The following SLC24A4 variants were observed in gnomAD, a reference collection of about 807,000 sequenced individuals.
SLC24A4 encodes sodium/potassium/calcium exchanger 4.
A neutral mutation model predicts 79.0 loss-of-function variants in SLC24A4; 53 were observed. The ratio of observed to expected loss-of-function variants is 0.67; its 90% confidence interval spans 0.54 to 0.84. The LOEUF (loss-of-function observed/expected upper bound fraction) is 0.84. SLC24A4 is among the 40% of genes least tolerant of loss of function. SLC24A4 has a pLI of 0.00. For synonymous variants in SLC24A4, 323 were observed against 323.8 expected, an observed-to-expected ratio of 1.00 and a Z score of 0.03; for missense variants, 731 against 822.0, an observed-to-expected ratio of 0.89 and a Z score of 1.35.
chr14:92,374,626 A>C (rs1888401354), intron 2 of SLC24A4, among the ~76,000 whole-genome samples: 1 of 152,080 alleles, frequency 6.6e-6, no homozygotes, highest in Admixed American at 6.5e-5. Context: ...TCCCTTCCTT[A>C]ACTCTCAGCA....
Position 92,498,110 on chromosome 14 carries a change from G to A in SLC24A4, c.*4482G>A, listed in dbSNP as rs1895994207. 1 of 152,274 alleles carries A rather than the reference G, an allele frequency of 6.6e-6. No homozygotes were observed. The highest frequency in any genetic ancestry group is 2.4e-5 in the African/African-American group (1 of 41,436). The allele number at this position is 152,274 out of a possible 1,614,324, so 9.4% of individuals were successfully genotyped here. On this transcript the variant is annotated 3_prime_UTR_variant, in exon 17 of 17. Coordinates refer to ENST00000532405, the MANE Select transcript of SLC24A4 (RefSeq NM_153646.4). ...TGAAAATGCTCTGTGGGCAGCTCTT[G>A]GGTGGCAGTAAGTCCATCAACCCCC...
In SLC24A4 at chr14:92,439,388, G is replaced by A. The variant is rs755428874; in HGVS notation, c.372G>A (p.Pro124=). 1.6e-5 allele frequency: 26 copies of A among 1,612,682 alleles called. No homozygotes were observed. The highest frequency in any genetic ancestry group is 4.4e-5 in the South Asian group (4 of 91,072). ...LAIVCDDFFV[P]SLEKICERLH... ...TAGTGTGCGATGACTTCTTTGTTCC[G>A]TCTCTAGAGAAGATCTGTGAGGTAT... Residue 124 remains proline (P), a synonymous_variant, in exon 4 of 17, where the codon CCG becomes CCA. Coordinates refer to ENST00000532405, the MANE Select transcript of SLC24A4 (RefSeq NM_153646.4).
chr14:92,402,064 G>A (rs1173746355), intron 2 of SLC24A4, among the ~76,000 whole-genome samples: 2 of 152,090 alleles, frequency 1.3e-5, no homozygotes, highest in African/African-American at 2.4e-5. Flanking sequence ...TTGCACTTTC[G>A]AGCTTGCTGA....
At chr14:92,470,997 C>T (rs886184937) in intron 12 of SLC24A4, among the ~76,000 whole-genome samples, 5 of 152,204 alleles carry the variant, frequency 3.3e-5, no homozygotes, top group African/African-American at 1.2e-4. Flanking sequence ...TGGCTTTCCT[C>T]CACCTAAGCT....
At chr14:92,388,653 G>A (rs1371130108) in intron 2 of SLC24A4, among the ~76,000 whole-genome samples, 2 of 152,178 alleles carry the variant, frequency 1.3e-5, no homozygotes, top group South Asian at 2.1e-4. Flanking sequence ...TCCCCTCTGA[G>A]TACCAAATGA....
intron 2 of SLC24A4, among the ~76,000 whole-genome samples, chr14:92,327,499 C>T (rs1885216662): frequency 6.6e-6 from 1 of 152,234 alleles, no homozygotes; most frequent in African/African-American, 2.4e-5. Flanking sequence ...GGGCCGTTCC[C>T]ACCCATTCCA....
chr14:92,454,181 C>A, intron 11 of SLC24A4, 112 bp downstream of exon 11: 1 of 1,156,860 alleles, frequency 8.6e-7, no homozygotes, highest in Non-Finnish European at 1.2e-6. Context: ...AGGAAGGATG[C>A]CCTGGGGCCT....
rs940270469 is a variant in SLC24A4, at chr14:92,416,694, T to C, written c.242-17218T>C. ...AACAGGCTAAGAACCTCCTCAAACC[T>C]CACGGTGCTTTTGTGGAAACTAAGG... On this transcript the variant is annotated intron_variant, in intron 2 of 16. Coordinates refer to ENST00000532405, the MANE Select transcript of SLC24A4 (RefSeq NM_153646.4). Among the ~76,000 whole-genome samples, 4 of 152,160 alleles carry C rather than the reference T, an allele frequency of 2.6e-5. No homozygotes were observed. In the East Asian group the frequency reaches 7.7e-4, roughly 29 times the overall value.
chr14:92,447,483 C>T, intron 9 of SLC24A4, 59 bp downstream of exon 9: 1 of 1,482,464 alleles, frequency 6.7e-7, no homozygotes, highest in Non-Finnish European at 9.4e-7. Context: ...CCTGCTACAG[C>T]CTTTTGTGAC....
chr14:92,399,268 C>T (rs879770868), intron 2 of SLC24A4, among the ~76,000 whole-genome samples: 13 of 152,230 alleles, frequency 8.5e-5, no homozygotes, highest in Middle Eastern at 3.4e-3. Flanking sequence ...CTTGCTTATG[C>T]GGCCGAGTCT....
rs778289044 is a variant in SLC24A4 at position 92,496,373 on chromosome 14, ATTACT to A, written c.*2749_*2753del. 5.9e-5 allele frequency: 9 copies of A among 152,230 alleles called. No homozygotes were observed. The highest frequency in any genetic ancestry group is 8.8e-5 in the Non-Finnish European group (6 of 68,022). The allele number at this position is 152,230 out of a possible 1,614,324, so 9.4% of individuals were successfully genotyped here. Reference sequence around the variant, plus strand: ...AATTACGCTTTCATCACTACGCAGGATTACTTTATTTTATTCCCAAAGCTCATTAG... The same window carrying A: ...AATTACGCTTTCATCACTACGCAGGATTATTTTATTCCCAAAGCTCATTAG... On this transcript the variant is annotated 3_prime_UTR_variant, in exon 17 of 17. Coordinates refer to ENST00000532405, the MANE Select transcript of SLC24A4 (RefSeq NM_153646.4).
At chr14:92,339,303 A>G (rs1885992832) in intron 2 of SLC24A4, among the ~76,000 whole-genome samples, 1 of 152,216 alleles carries the variant, frequency 6.6e-6, no homozygotes, top group African/African-American at 2.4e-5. Context: ...TGTCAAAATC[A>G]AAGAGGGCGT....
At chr14:92,379,920 T>C (rs1026970578) in intron 2 of SLC24A4, among the ~76,000 whole-genome samples, 4 of 152,086 alleles carry the variant, frequency 2.6e-5, no homozygotes, top group African/African-American at 9.7e-5. Flanking sequence ...CTCTCCACCC[T>C]CACCTGCCGT....
chr14:92,354,933 G>A lies in SLC24A4; in HGVS notation c.241+28955G>A, dbSNP rs186901391. 1.4e-4 allele frequency among the ~76,000 whole-genome samples: 21 copies of A among 152,286 alleles called. No individual in the cohort carries two copies. In the East Asian group the frequency reaches 3.1e-3, roughly 22 times the overall value. ...TACTAAAAATACAAAAATTGGCCAC[G>A]GATGGTGGTGCACATCTGTGATCTC... On this transcript the variant is annotated intron_variant, in intron 2 of 16. Transcript: ENST00000532405.
intron 2 of SLC24A4, among the ~76,000 whole-genome samples, chr14:92,357,767 G>T (rs528790498): frequency 1.1e-4 from 16 of 152,284 alleles, no homozygotes; most frequent in Non-Finnish European, 1.3e-4. Context: ...CTGGACGGGG[G>T]TGATGGTTGC....
At chr14:92,477,471 T>C (rs1183662612) in intron 12 of SLC24A4, among the ~76,000 whole-genome samples, 2 of 152,188 alleles carry the variant, frequency 1.3e-5, no homozygotes, top group African/African-American at 2.4e-5. Flanking sequence ...TTTTTGTTGT[T>C]GTTGTTTTGT....
At chr14:92,429,419 C>T (rs1426533216) in intron 2 of SLC24A4, among the ~76,000 whole-genome samples, 1 of 152,146 alleles carries the variant, frequency 6.6e-6, no homozygotes, top group Non-Finnish European at 1.5e-5. Context: ...CATTTATATA[C>T]ACATACGTTC....
rs915838853 is a variant in SLC24A4 at position 92,323,608 on chromosome 14, C to G, written c.-223C>G. 347 of 413,390 alleles carry G rather than the reference C, an allele frequency of 8.4e-4. No homozygotes were observed. The highest frequency in any genetic ancestry group is 1.1e-3 in the Non-Finnish European group (263 of 240,896). 25.6% of individuals were successfully genotyped at this position (413,390 alleles called of 1,614,324 possible). On this transcript the variant is annotated 5_prime_UTR_variant, in exon 1 of 17. Coordinates refer to ENST00000532405, the MANE Select transcript of SLC24A4 (RefSeq NM_153646.4). This position sits in a 1 kb window ranked among gnomAD's most constrained non-coding sequence, Gnocchi z 4.9. ...GGAGCCATGGTGCGCGCAGCGCGCA[C>G]GCGGCGCGCGGGACTCTGAGCTCCG...
At chr14:92,372,867 C>CCCCTCCTTCCTT (rs1279675384) in intron 2 of SLC24A4, among the ~76,000 whole-genome samples, 6 of 109,814 alleles carry the variant, frequency 5.5e-5, no homozygotes, top group African/African-American at 2.2e-4. Flanking sequence ...GGGTCACTGT[C>CCCCTCCTTCCTT]CCTTCCTTCC....
Sources: gnomAD v4.1 joint callset for allele counts (sites outside exome capture counted in the v4.1 genomes callset) on GRCh38, gnomAD v4.1.1 for gene constraint, Gnocchi (gnomAD v3.1) non-coding constraint, MANE v1.5 for transcripts, NCBI Gene and HGNC (gene_info 2026-07-23, HGNC 2026-07-21) for gene names.